The following FAM210A variants were observed in gnomAD, a reference collection of about 807,000 sequenced individuals.
The protein encoded by FAM210A is family with sequence similarity 210 member A.
In FAM210A, 13 loss-of-function variants were observed where a neutral mutation model predicts 25.3. The ratio of observed to expected loss-of-function variants is 0.51; its 90% CI spans 0.33 to 0.82. FAM210A has a LOEUF of 0.82. Among genes scored for constraint, FAM210A ranks in the 40% least tolerant of loss-of-function variants. The pLI, the probability that FAM210A is intolerant of heterozygous loss-of-function variation, is 0.02. For missense variants in FAM210A, 319 were observed against 323.2 expected (o/e 0.99, Z 0.10); for synonymous variants, 125 against 118.7 (o/e 1.05, Z -0.35).
intron 2 of FAM210A, among the ~76,000 whole-genome samples, chr18:13,676,947 G>C (rs2043509048): frequency 6.6e-6 from 1 of 152,194 alleles, no homozygotes; most frequent in South Asian, 2.1e-4. Context: ...AGCAGGACGA[G>C]CTGCAGACAA....
intron 1 of FAM210A, among the ~76,000 whole-genome samples, chr18:13,716,204 T>C (rs952754079): frequency 1.3e-5 from 2 of 152,102 alleles, no homozygotes; most frequent in African/African-American, 4.8e-5. Context: ...AAAAGAACAA[T>C]AGATAAAACA....
At chr18:13,705,418 T>C (rs934832315) in intron 1 of FAM210A, among the ~76,000 whole-genome samples, 2 of 152,182 alleles carry the variant, frequency 1.3e-5, no homozygotes, top group Non-Finnish European at 2.9e-5. Context: ...TCACGGAAAA[T>C]ATAAAATAAT....
At chr18:13,667,530 C>A (rs980055435) in intron 3 of FAM210A, among the ~76,000 whole-genome samples, 2 of 150,224 alleles carry the variant, frequency 1.3e-5, no homozygotes, top group African/African-American at 4.9e-5. Context: ...ACCAGCCTGG[C>A]CAACATGGTG....
In FAM210A at chr18:13,679,226, G is replaced by A. The variant is rs143063587; in HGVS notation, c.473+2379C>T. On this transcript the variant is annotated intron_variant, in intron 2 of 3. Coordinates refer to ENST00000651643, the MANE Select transcript of FAM210A (RefSeq NM_152352.4). Reference sequence around the variant, plus strand: ...TCAGTAATGAGGCATGATGTCAAATGCCCATCTTTCCAGCTACAAACTATT... The same window carrying A: ...TCAGTAATGAGGCATGATGTCAAATACCCATCTTTCCAGCTACAAACTATT... Among the ~76,000 whole-genome samples the A allele has an allele frequency of 6.7e-4, 102 of 152,278 alleles. 1 individual carries two copies. Among genetic ancestry groups the A allele is most frequent in the African/African-American group, 2.3e-3 (97 of 41,548 alleles).
At chr18:13,690,331 G>C (rs1033101693) in intron 1 of FAM210A, among the ~76,000 whole-genome samples, 3 of 152,234 alleles carry the variant, frequency 2.0e-5, no homozygotes, top group Non-Finnish European at 4.4e-5. Flanking sequence ...CTGAGGTCAA[G>C]GCATAGCCGA....
Position 13,681,951 on chromosome 18 carries a change from A to C in FAM210A, c.127T>G (p.Ser43Ala), listed in dbSNP as rs1178673114. 2 of 1,614,174 alleles carry C rather than the reference A, an allele frequency of 1.2e-6. No homozygotes were observed. The highest frequency in any genetic ancestry group is 1.7e-6 in the Non-Finnish European group (2 of 1,180,028). ...KGPLLLYNAE[S>A]KVVLVQGPQK... is the part of the protein sequence containing the mutation. ...GGGCCTTGTACCAAAACCACTTTGGATTCAGCATTGTATAAAAGTAAAGGT... is the reference window on the plus strand; with the variant it reads ...GGGCCTTGTACCAAAACCACTTTGGCTTCAGCATTGTATAAAAGTAAAGGT... Residue 43 changes from serine (S) to alanine (A), a missense_variant, in exon 2 of 4, where the codon TCC becomes GCC. By Grantham distance (99) the Ser-to-Ala change is moderately conservative (BLOSUM62 1). Coordinates refer to ENST00000651643, the MANE Select transcript of FAM210A (RefSeq NM_152352.4).
At chr18:13,715,719 A>T (rs1042591417) in intron 1 of FAM210A, among the ~76,000 whole-genome samples, 2 of 152,256 alleles carry the variant, frequency 1.3e-5, no homozygotes, top group Admixed American at 6.5e-5. Flanking sequence ...GGAAAAAAGT[A>T]TATTTTTAAA....
chr18:13,710,195 T>C (rs2043810529), intron 1 of FAM210A: 1 of 150,868 alleles, frequency 6.6e-6, no homozygotes, highest in South Asian at 2.1e-4. Context: ...TTTTTTCTTT[T>C]TTTTTTGAAA....
At chr18:13,677,431 G>A (rs200410496) in intron 2 of FAM210A, among the ~76,000 whole-genome samples, 1 of 150,348 alleles carries the variant, frequency 6.7e-6, no homozygotes, top group Admixed American at 6.6e-5. Flanking sequence ...GGTCGTGATC[G>A]ACTGAGTAAG....
At position 13,666,673 on chromosome 18, in the gene FAM210A, G is replaced by T. The variant is rs760751853; in HGVS notation, c.626C>A (p.Thr209Lys). The T allele has an allele frequency of 1.7e-5, 27 of 1,614,120 alleles. No individual in the cohort carries two copies. The highest frequency in any genetic ancestry group is 2.2e-5 in the Non-Finnish European group (26 of 1,180,012). Residue 209 changes from threonine (T) to lysine (K), a missense_variant, in exon 4 of 4, where the codon ACA (threonine) becomes AAA (lysine). Physicochemically the swap from Thr to Lys is moderately conservative, Grantham distance 78 (BLOSUM62 -1). Coordinates refer to ENST00000651643, the MANE Select transcript of FAM210A (RefSeq NM_152352.4). ...PARYTVTLGG[T>K]SVTVKYLRSH... is the part of the protein sequence containing the mutation. ...GCGCAGATACTTCACAGTGACAGAT[G>T]TTCCTCCCAAAGTCACGGTATACCG...
intron 1 of FAM210A, among the ~76,000 whole-genome samples, chr18:13,686,570 G>A (rs1451101930): frequency 6.6e-6 from 1 of 152,072 alleles, no homozygotes; most frequent in East Asian, 1.9e-4. Flanking sequence ...ATGCTCCTGG[G>A]TTGCAATCCT....
chr18:13,693,273 G>C (rs201430478), intron 1 of FAM210A, among the ~76,000 whole-genome samples: 3 of 152,154 alleles, frequency 2.0e-5, no homozygotes, highest in South Asian at 4.1e-4. Context: ...ACCAAAAAAA[G>C]TCCAGGACCA....
rs768661842 is a variant in FAM210A at position 13,677,594 on chromosome 18, C to T, written c.473+4011G>A. On this transcript the variant is annotated intron_variant, in intron 2 of 3. Transcript: ENST00000651643. ...TTAGGTTCGATCTTTAACTACCAGG[C>T]CCAGGGTGTGGCGCCGGGCTGTCTG... 5.9e-5 allele frequency among the ~76,000 whole-genome samples: 9 copies of T among 152,148 alleles called. No homozygotes were observed. In the East Asian group the frequency reaches 1.5e-3, roughly 26 times the overall value.
chr18:13,675,050 GATT>G (rs2043481018), intron 2 of FAM210A, among the ~76,000 whole-genome samples: 1 of 77,020 alleles, frequency 1.3e-5, no homozygotes, highest in African/African-American at 5.2e-5. Flanking sequence ...CCTGTTTCCT[GATT>G]ATTAACATTC....
At chr18:13,669,366 T>G (rs555439316) in intron 3 of FAM210A, among the ~76,000 whole-genome samples, 2 of 152,326 alleles carry the variant, frequency 1.3e-5, no homozygotes, top group Admixed American at 6.5e-5. Flanking sequence ...CCAACAAGGC[T>G]GTCCTGATCT....
chr18:13,714,419 T>C (rs1601968246), intron 1 of FAM210A, among the ~76,000 whole-genome samples: 2 of 152,214 alleles, frequency 1.3e-5, no homozygotes, highest in African/African-American at 2.4e-5. Flanking sequence ...AGAGTGTCAA[T>C]ATGTAAAGAT....
rs2043555657 is a variant in FAM210A at position 13,681,783 on chromosome 18, T to C, written c.295A>G (p.Ser99Gly). Residue 99 changes from serine (S) to glycine (G), a missense_variant, in exon 2 of 4, where the codon AGT (serine) becomes GGT (glycine). Ser to Gly is a moderately conservative substitution (Grantham distance 56, BLOSUM62 0). Coordinates refer to ENST00000651643, the MANE Select transcript of FAM210A (RefSeq NM_152352.4). The part of the protein sequence containing the change: ...HVSFRRVFSS[S>G]ATAQGTPEKK... ...TCCGGAGTTCCCTGAGCTGTGGCACTGGATGAAAAAACCCTCCTGAATGAA... is the reference window on the plus strand; with the variant it reads ...TCCGGAGTTCCCTGAGCTGTGGCACCGGATGAAAAAACCCTCCTGAATGAA... 1.2e-6 allele frequency: 2 copies of C among 1,614,094 alleles called. No homozygotes were observed. The highest frequency in any genetic ancestry group is 3.3e-5 in the Admixed American group (2 of 60,000).
At position 13,666,489 on chromosome 18, in the gene FAM210A, T is replaced by C. The variant is rs1298934651; in HGVS notation, c.810A>G (p.Lys270=). The change falls in exon 4 of 4, where the codon AAA becomes AAG. Residue 270 remains lysine (K), a synonymous_variant. Transcript: ENST00000651643. ...TGCTATATAAGGCACCTTATTCCAC[T>C]TTTTTCTTAAAGGAAACTTTTTCTT... ...ETKEKVSFKK[K]VE 1.2e-6 allele frequency: 2 copies of C among 1,613,196 alleles called. No individual in the cohort carries two copies. Among genetic ancestry groups the C allele is most frequent in the African/African-American group, 2.7e-5 (2 of 74,808 alleles).
At chr18:13,695,005 T>C (rs909597807) in intron 1 of FAM210A, among the ~76,000 whole-genome samples, 21 of 152,264 alleles carry the variant, frequency 1.4e-4, no homozygotes, top group African/African-American at 5.1e-4. Context: ...TACAAAGAAC[T>C]TAAACAAACT....
Sources: allele counts gnomAD v4.1 joint callset (sites outside exome capture counted in the v4.1 genomes callset), GRCh38; gene constraint gnomAD v4.1.1; transcripts MANE v1.5; gene names NCBI Gene and HGNC (gene_info 2026-07-23, HGNC 2026-07-21).